The following RAB11FIP1 variants were observed in gnomAD, a reference collection of about 807,000 sequenced individuals.
RAB11FIP1 encodes rab11 family-interacting protein 1.
A neutral mutation model predicts 83.1 loss-of-function variants in RAB11FIP1; 49 were observed. That is an observed-to-expected ratio of 0.59 (90% CI 0.47 to 0.75). The LOEUF (loss-of-function observed/expected upper bound fraction) is 0.75. Among genes scored for constraint, RAB11FIP1 ranks in the 30% least tolerant of loss-of-function variants. The probability of loss-of-function intolerance (pLI) is 0.00; values close to 1 mark genes in which losing one functional copy is unlikely to be tolerated. For missense variants in RAB11FIP1, 1,536 were observed against 1,598.7 expected, an observed-to-expected ratio of 0.96 and a Z score of 0.67; for synonymous variants, 670 against 656.0, an observed-to-expected ratio of 1.02 and a Z score of -0.33.
rs113373578 is a variant in RAB11FIP1, at chr8:37,891,739, AT to A, written c.371+7331del. Among the ~76,000 whole-genome samples the A allele has an allele frequency of 1.7e-3, 261 of 151,784 alleles. 4 individuals are homozygous for A. Among genetic ancestry groups the A allele is most frequent in the African/African-American group, 5.9e-3 (246 of 41,384 alleles). ...ATTTAACTGGTTCACTTACTTGAGA[AT>A]TTTTTTTTCATTTATGGGTCTAACT... On this transcript the variant is annotated intron_variant, in intron 1 of 5. Coordinates refer to ENST00000330843, the MANE Select transcript of RAB11FIP1 (RefSeq NM_001002814.3).
chr8:37,869,623 A>C (rs1806410001), intron 5 of RAB11FIP1, among the ~76,000 whole-genome samples: 1 of 152,114 alleles, frequency 6.6e-6, no homozygotes, highest in Non-Finnish European at 1.5e-5. Flanking sequence ...GATTTTAATA[A>C]ATGTCCTTAC....
chr8:37,862,969 C>G lies in RAB11FIP1; in HGVS notation c.3778G>C (p.Val1260Leu). The G allele has an allele frequency of 1.9e-6, 3 of 1,613,972 alleles. No homozygotes were observed. Among genetic ancestry groups the G allele is most frequent in the Non-Finnish European group, 8.5e-7 (1 of 1,180,022 alleles). ...ELEDYIDNLL[V>L]RVMEETPNIL... ...TTGGGGGTTTCTTCCATGACCCTGACAAGCAGGTTGTCAATGTAGTCTTCC... is the reference window on the plus strand; with the variant it reads ...TTGGGGGTTTCTTCCATGACCCTGAGAAGCAGGTTGTCAATGTAGTCTTCC... The change falls in exon 6 of 6, where the codon GTC becomes CTC. Residue 1260 changes from valine to leucine, a missense_variant. Coordinates refer to ENST00000330843, the MANE Select transcript of RAB11FIP1 (RefSeq NM_001002814.3).
chr8:37,899,123 C>T lies in RAB11FIP1; in HGVS notation c.319G>A (p.Ala107Thr). The T allele has an allele frequency of 1.3e-6, 2 of 1,536,316 alleles. No homozygotes were observed. Among genetic ancestry groups the T allele is most frequent in the Non-Finnish European group, 1.7e-6 (2 of 1,151,098 alleles). Residue 107 changes from alanine to threonine, a missense_variant, in exon 1 of 6, where the codon GCC becomes ACC. Ala to Thr is a moderately conservative substitution (Grantham distance 58). Coordinates refer to ENST00000330843, the MANE Select transcript of RAB11FIP1 (RefSeq NM_001002814.3). The surrounding 1 kb of genome is among the most constrained non-coding windows in gnomAD (Gnocchi z 4.5). ...TGCAGATCCCGCAGGTCCACCTCGGCGCGGCCCAGGAACTTGTCGAGGCCG... is the reference window on the plus strand; with the variant it reads ...TGCAGATCCCGCAGGTCCACCTCGGTGCGGCCCAGGAACTTGTCGAGGCCG... ...LLGLDKFLGRAEVDLRDLHRD... is the reference protein window; with the variant it reads ...LLGLDKFLGRTEVDLRDLHRD...
intron 1 of RAB11FIP1, among the ~76,000 whole-genome samples, chr8:37,898,811 G>C (rs1333155399): frequency 1.4e-5 from 2 of 139,352 alleles, no homozygotes; most frequent in Non-Finnish European, 3.1e-5. Context: ...GGGCGACAGA[G>C]ACTCTGTCTA....
Position 37,873,638 on chromosome 8 carries a change from C to T in RAB11FIP1, c.1623-459G>A, listed in dbSNP as rs1046473367. Among the ~76,000 whole-genome samples, 3 of 151,860 alleles carry T rather than the reference C, an allele frequency of 2.0e-5. No homozygotes were observed. In the East Asian group the frequency reaches 5.8e-4, roughly 29 times the overall value. On this transcript the variant is annotated intron_variant, in intron 3 of 5. Transcript: ENST00000330843. ...AAGGAACACTAACACTTAACATACA[C>T]AACAGACACTTTTATAACCAAGCAG... is the stretch of plus-strand genomic sequence containing the variant.
chr8:37,875,873 G>C (rs568954174), intron 2 of RAB11FIP1, among the ~76,000 whole-genome samples: 1 of 152,136 alleles, frequency 6.6e-6, no homozygotes, highest in African/African-American at 2.4e-5. Context: ...TGTACTAGTG[G>C]ACATCATTTA....
chr8:37,896,613 T>G (rs986971678), intron 1 of RAB11FIP1, among the ~76,000 whole-genome samples: 25 of 151,958 alleles, frequency 1.6e-4, no homozygotes, highest in South Asian at 2.1e-4. Flanking sequence ...TTGGATAAAA[T>G]AAGAAAAATG....
chr8:37,866,865 C>T (rs749996958), intron 5 of RAB11FIP1, among the ~76,000 whole-genome samples: 8 of 152,142 alleles, frequency 5.3e-5, no homozygotes, highest in Non-Finnish European at 1.0e-4. Context: ...CTCCAGGAAA[C>T]GTCCCGTATT....
At chr8:37,877,788 C>T (rs534180625) in intron 1 of RAB11FIP1, 49 of 385,972 alleles carry the variant, frequency 1.3e-4, no homozygotes, top group Admixed American at 6.5e-4. Flanking sequence ...GCCACCATCT[C>T]GGCTCACTGC....
intron 1 of RAB11FIP1, among the ~76,000 whole-genome samples, chr8:37,887,772 C>G (rs540457475): frequency 3.3e-5 from 5 of 152,318 alleles, no homozygotes; most frequent in African/African-American, 1.2e-4. Flanking sequence ...GTGCTTAGAA[C>G]AGTACCTGGC....
chr8:37,886,102 T>C (rs1806828671), intron 1 of RAB11FIP1, among the ~76,000 whole-genome samples: 1 of 152,192 alleles, frequency 6.6e-6, no homozygotes, highest in African/African-American at 2.4e-5. Context: ...AGAGAAATGA[T>C]GCCTTCGGAG....
chr8:37,893,154 A>G (rs534452135), intron 1 of RAB11FIP1, among the ~76,000 whole-genome samples: 5 of 150,296 alleles, frequency 3.3e-5, no homozygotes, highest in African/African-American at 1.2e-4. Context: ...GGCTCACTGC[A>G]ATCTCTGCCT....
At chr8:37,898,968 C>G in intron 1 of RAB11FIP1, 103 bp downstream of exon 1, 1 of 1,243,590 alleles carries the variant, frequency 8.0e-7, no homozygotes, top group South Asian at 1.8e-5. Context: ...AAGGCCTTCC[C>G]CGCTGCTGCC....
At chr8:37,868,606 T>C (rs1806388850) in intron 5 of RAB11FIP1, among the ~76,000 whole-genome samples, 2 of 152,178 alleles carry the variant, frequency 1.3e-5, no homozygotes, top group Non-Finnish European at 2.9e-5. Flanking sequence ...AATATATCCT[T>C]GCCCACTAAA....
intron 5 of RAB11FIP1, among the ~76,000 whole-genome samples, chr8:37,867,315 A>G (rs1250085372): frequency 6.6e-6 from 1 of 152,252 alleles, no homozygotes; most frequent in African/African-American, 2.4e-5. Flanking sequence ...GTACATTTTT[A>G]GGCTAGGGCC....
chr8:37,886,370 A>G (rs1281666400), intron 1 of RAB11FIP1, among the ~76,000 whole-genome samples: 1 of 152,234 alleles, frequency 6.6e-6, no homozygotes, highest in Non-Finnish European at 1.5e-5. Context: ...TTTAAGCCCC[A>G]ACAGGCTATC....
At chr8:37,873,470 G>C (rs527937399) in intron 3 of RAB11FIP1, among the ~76,000 whole-genome samples, 14 of 152,256 alleles carry the variant, frequency 9.2e-5, no homozygotes, top group African/African-American at 2.9e-4. Context: ...GCCGGGTGTG[G>C]TGGTGTGCAC....
chr8:37,877,319 T>C lies in RAB11FIP1; in HGVS notation c.604A>G (p.Ser202Gly), dbSNP rs767178178. 1.2e-6 allele frequency: 2 copies of C among 1,614,208 alleles called. No homozygotes were observed. The highest frequency in any genetic ancestry group is 2.2e-5 in the East Asian group (1 of 44,884). ...TCTTTAACCACAGACTCATCATCAC[T>C]GTCGACCGAAGGTGTCGTGCTAGGG... ...IIPSTTPSVD[S>G]DDESVVKDKK... The change falls in exon 2 of 6, where the codon AGT (serine) becomes GGT (glycine). Residue 202 changes from serine (S) to glycine (G), a missense_variant. Transcript: ENST00000330843.
chr8:37,877,777 T>A (rs1806648833), intron 1 of RAB11FIP1: 1 of 411,830 alleles, frequency 2.4e-6, no homozygotes, highest in Non-Finnish European at 4.2e-6. Context: ...TGGAGTGCAA[T>A]GCCACCATCT....
Sources: allele counts gnomAD v4.1 joint callset (sites outside exome capture counted in the v4.1 genomes callset), GRCh38; gene constraint gnomAD v4.1.1; non-coding constraint Gnocchi (gnomAD v3.1); transcripts MANE v1.5; gene names NCBI Gene and HGNC (gene_info 2026-07-23, HGNC 2026-07-21).